Variants in ABTB3 observed in about 807,000 individuals in gnomAD.
ABTB3 encodes the protein ankyrin repeat and BTB domain containing 3.
chr12:107,592,208 C>T, the ABTB3 span, among the ~76,000 whole-genome samples: 8 of 152,108 alleles, frequency 5.3e-5, no homozygotes, highest in Admixed American at 3.9e-4. Flanking sequence ...CACTAGTAAT[C>T]CCAGAAATGC....
the ABTB3 span, among the ~76,000 whole-genome samples, chr12:107,459,739 C>T: frequency 3.9e-5 from 6 of 152,206 alleles, no homozygotes; most frequent in Non-Finnish European, 5.9e-5. Flanking sequence ...ATTGTGGCTG[C>T]GTTTCTTCTG....
At chr12:107,431,887 G>T in the ABTB3 span, among the ~76,000 whole-genome samples, 1 of 152,196 alleles carries the variant, frequency 6.6e-6, no homozygotes, top group Non-Finnish European at 1.5e-5. Flanking sequence ...TGAGGCCCCG[G>T]CCTGGCCCAT....
chr12:107,519,703 C>T, the ABTB3 span, among the ~76,000 whole-genome samples: 2 of 152,176 alleles, frequency 1.3e-5, no homozygotes, highest in East Asian at 1.9e-4. Flanking sequence ...TTGACTCCAT[C>T]GTGTTTGTTA....
the ABTB3 span, among the ~76,000 whole-genome samples, chr12:107,523,282 C>T: frequency 6.6e-6 from 1 of 152,188 alleles, no homozygotes; most frequent in African/African-American, 2.4e-5. Flanking sequence ...AGCTACTTTC[C>T]TGGCATCTGA....
At chr12:107,379,535 A>G in the ABTB3 span, among the ~76,000 whole-genome samples, 3 of 152,172 alleles carry the variant, frequency 2.0e-5, no homozygotes, top group Non-Finnish European at 2.9e-5. Context: ...TTCCCTAGCC[A>G]TGTGGAACTG....
the ABTB3 span, among the ~76,000 whole-genome samples, chr12:107,578,383 CTTTTTTTTTT>C: frequency 3.9e-3 from 223 of 57,206 alleles, no homozygotes; most frequent in African/African-American, 0.011. Context: ...CTTTCTTCTT[CTTTTTTTTTT>C]TTTTTTTTTT....
the ABTB3 span, among the ~76,000 whole-genome samples, chr12:107,338,045 G>C: frequency 6.6e-6 from 1 of 152,102 alleles, no homozygotes; most frequent in Non-Finnish European, 1.5e-5. Flanking sequence ...TTTGTTGTTG[G>C]AAAGACCAGA....
At chr12:107,508,536 C>A in the ABTB3 span, among the ~76,000 whole-genome samples, 1 of 142,784 alleles carries the variant, frequency 7.0e-6, no homozygotes, top group Non-Finnish European at 1.5e-5. Flanking sequence ...CTCATTGCAA[C>A]CTCCACCTCC....
the ABTB3 span, among the ~76,000 whole-genome samples, chr12:107,412,914 T>A: frequency 6.6e-6 from 1 of 152,062 alleles, no homozygotes; most frequent in South Asian, 2.1e-4. Context: ...ACCCTGGAGC[T>A]CCAGATGCAG....
chr12:107,380,051 T>C, the ABTB3 span, among the ~76,000 whole-genome samples: 7 of 152,192 alleles, frequency 4.6e-5, no homozygotes, highest in South Asian at 2.1e-4. Context: ...CATTGCGCGA[T>C]GCTGTGATTC....
chr12:107,644,926 T>TG, the ABTB3 span, among the ~76,000 whole-genome samples: 1 of 94,152 alleles, frequency 1.1e-5, no homozygotes, highest in Admixed American at 1.0e-4. Context: ...TCATTCTTTA[T>TG]GGCTGCATAG....
chr12:107,395,782 G>A, the ABTB3 span, among the ~76,000 whole-genome samples: 32,828 of 152,096 alleles, frequency 0.22, 3,680 homozygotes, highest in Admixed American at 0.29. Context: ...CTTCTGCCAC[G>A]CTCTGTCCCT....
At chr12:107,425,039 C>T in the ABTB3 span, among the ~76,000 whole-genome samples, 1 of 152,164 alleles carries the variant, frequency 6.6e-6, no homozygotes, top group Non-Finnish European at 1.5e-5. Context: ...CAGACCCGGT[C>T]ATCTCACACC....
At chr12:107,618,088 G>C in the ABTB3 span, 1 of 1,466,028 alleles carries the variant, frequency 6.8e-7, no homozygotes, top group East Asian at 2.3e-5. Flanking sequence ...TCCCCAGCCT[G>C]CCCCTGCCCT....
chr12:107,523,553 T>C, the ABTB3 span, among the ~76,000 whole-genome samples: 1 of 152,210 alleles, frequency 6.6e-6, no homozygotes, highest in Non-Finnish European at 1.5e-5. Context: ...TGTGACATAG[T>C]AGTTCTCCGG....
At chr12:107,615,889 T>C in the ABTB3 span, among the ~76,000 whole-genome samples, 1 of 152,206 alleles carries the variant, frequency 6.6e-6, no homozygotes, top group Non-Finnish European at 1.5e-5. Context: ...CCTGGTCCTG[T>C]AGTGAGTGCT....
the ABTB3 span, among the ~76,000 whole-genome samples, chr12:107,634,341 AT>A: frequency 6.6e-6 from 1 of 152,228 alleles, no homozygotes; most frequent in South Asian, 2.1e-4. Context: ...AAGAAAAAAC[AT>A]CCTCATCTCA....
the ABTB3 span, among the ~76,000 whole-genome samples, chr12:107,623,260 C>T: frequency 2.6e-5 from 4 of 151,510 alleles, no homozygotes; most frequent in Non-Finnish European, 4.4e-5. Context: ...AGGATTTCAC[C>T]GTGTTGGCCA....
At chr12:107,614,184 A>C in the ABTB3 span, among the ~76,000 whole-genome samples, 1 of 152,166 alleles carries the variant, frequency 6.6e-6, no homozygotes, top group African/African-American at 2.4e-5. Flanking sequence ...GAAAAGCTCC[A>C]TGTGGGTGCT....
Sources: gnomAD v4.1 joint callset for allele counts (sites outside exome capture counted in the v4.1 genomes callset) on GRCh38, gnomAD v4.1.1 for gene constraint, MANE v1.5 for transcripts, NCBI Gene and HGNC (gene_info 2026-07-23, HGNC 2026-07-21) for gene names.